SART1: variants seen among roughly 807,000 people sequenced by gnomAD.
The protein encoded by SART1 is spliceosome associated factor 1, recruiter of U4/U6.U5 tri-snRNP.
In SART1, 28 loss-of-function variants were observed where a neutral mutation model predicts 105.0. The ratio of observed to expected loss-of-function variants is 0.27; its 90% CI spans 0.20 to 0.37. The LOEUF (loss-of-function observed/expected upper bound fraction) is 0.37, where lower values mean the gene tolerates loss of function less well. Ranked by LOEUF, SART1 falls within the 10% of genes least tolerant of loss-of-function variation. The pLI is 1.00. For synonymous variants in SART1, 472 were observed against 462.9 expected (o/e 1.02, Z -0.25); for missense variants, 894 against 1,106.5 (o/e 0.81, Z 2.72).
intron 12 of SART1, among the ~76,000 whole-genome samples, chr11:65,972,298 A>T (rs1855394906): frequency 6.6e-6 from 1 of 152,148 alleles, no homozygotes; most frequent in Non-Finnish European, 1.5e-5. Flanking sequence ...CCCGAGACAG[A>T]ATCGTGTCCC....
Position 65,977,034 on chromosome 11 carries a change from C to T in SART1, c.1878C>T (p.Thr626=), listed in dbSNP as rs377339635. ...CGTAGTTCTCTGCTTCCTCCACCAC[C>T]ATCCTGGACGAGGAACCGATCGTGA... ...QQQDFSASST[T]ILDEEPIVNR... Residue 626 remains threonine, a synonymous_variant, in exon 15 of 20, where the codon ACC becomes ACT. Coordinates refer to ENST00000312397, the MANE Select transcript of SART1 (RefSeq NM_005146.5). 2 of 1,613,982 alleles carry T rather than the reference C, an allele frequency of 1.2e-6. No homozygotes were observed. Among genetic ancestry groups the T allele is most frequent in the Admixed American group, 1.7e-5 (1 of 60,016 alleles).
chr11:65,966,440 G>A lies in SART1; in HGVS notation c.1072G>A (p.Asp358Asn). 2 of 1,613,632 alleles carry A rather than the reference G, an allele frequency of 1.2e-6. No homozygotes were observed. The highest frequency in any genetic ancestry group is 1.7e-6 in the Non-Finnish European group (2 of 1,179,930). The change falls in exon 9 of 20, where the codon GAT (aspartate) becomes AAT (asparagine). Residue 358 changes from aspartate to asparagine, a missense_variant. Transcript: ENST00000312397. ...SFRLEQGGTA[D>N]GLRERELEEI... ...CCGCTTGGAGCAGGGCGGCACGGCT[G>A]ATGGCCTGCGGGAGCGGGAGCTGGA...
Position 65,972,578 on chromosome 11 carries a change from A to AC in SART1, c.1573-3810dup, listed in dbSNP as rs200461701. Among the ~76,000 whole-genome samples, 998 of 151,538 alleles carry AC rather than the reference A, an allele frequency of 6.6e-3. 5 individuals carry two copies. Among genetic ancestry groups the AC allele is most frequent in the African/African-American group, 0.022 (910 of 41,232 alleles). On this transcript the variant is annotated intron_variant, in intron 12 of 19. Coordinates refer to ENST00000312397, the MANE Select transcript of SART1 (RefSeq NM_005146.5). Reference sequence around the variant, plus strand: ...CAGCCTGGGGCAACACAGCAAGACCACCCCCCCTACCAACCCCATCTCTAA... The same window carrying AC: ...CAGCCTGGGGCAACACAGCAAGACCACCCCCCCCTACCAACCCCATCTCTAA...
At chr11:65,975,462 T>C (rs649000) in intron 12 of SART1, among the ~76,000 whole-genome samples, 57,434 of 145,628 alleles carry the variant, frequency 0.39, 12,509 homozygotes, top group Admixed American at 0.54. Flanking sequence ...CCCACTCTTT[T>C]GAGTGCAGTG....
At chr11:65,972,699 C>T (rs772811001) in intron 12 of SART1, among the ~76,000 whole-genome samples, 1 of 150,536 alleles carries the variant, frequency 6.6e-6, no homozygotes, top group African/African-American at 2.4e-5. Flanking sequence ...TCTAGGAGTT[C>T]GAGGTTATAG....
At chr11:65,969,482 C>A (rs1488812626) in intron 12 of SART1, among the ~76,000 whole-genome samples, 4 of 152,188 alleles carry the variant, frequency 2.6e-5, no homozygotes, top group African/African-American at 9.7e-5. Context: ...CAAGGTCTCG[C>A]TCGGTTGCCC....
chr11:65,967,212 T>C, intron 9 of SART1, 47 bp from the exon 10 acceptor site: 1 of 1,601,200 alleles, frequency 6.2e-7, no homozygotes, highest in South Asian at 1.1e-5. Flanking sequence ...TGTGGCGACC[T>C]GCCTTTCTGT....
intron 12 of SART1, among the ~76,000 whole-genome samples, chr11:65,970,444 C>T (rs75807038): frequency 0.03 from 4,637 of 152,084 alleles, 233 homozygotes; most frequent in African/African-American, 0.1. Flanking sequence ...ACATTTATGA[C>T]GGAAGAAGAA....
chr11:65,970,748 GATTCATGAGCTGAGGAGGGGGATGGTGGA>G (rs1253792145), intron 12 of SART1, among the ~76,000 whole-genome samples: 9 of 148,816 alleles, frequency 6.0e-5, no homozygotes, highest in Admixed American at 2.7e-4. Context: ...TGGATGGTGG[GATTCATGAGCTGAGGAGGGGGATGGTGGA>G]ATTCATGAGC....
At chr11:65,973,524 T>C (rs930187487) in intron 12 of SART1, among the ~76,000 whole-genome samples, 1 of 152,032 alleles carries the variant, frequency 6.6e-6, no homozygotes, top group Non-Finnish European at 1.5e-5. Context: ...CAGTAGCGAG[T>C]AGGAGTAAAG....
Position 65,967,461 on chromosome 11 carries a change from C to T in SART1, c.1314-10C>T, listed in dbSNP as rs371040413. ...GACCGGTGCTCACCAGAGAGGCCTCCTTCCCTCAGACTGCGGGGACGGGGT... is the reference window on the plus strand; with the variant it reads ...GACCGGTGCTCACCAGAGAGGCCTCTTTCCCTCAGACTGCGGGGACGGGGT... On this transcript the variant is annotated splice_polypyrimidine_tract_variant and intron_variant, in intron 10 of 19. Transcript: ENST00000312397. 13 of 1,613,550 alleles carry T rather than the reference C, an allele frequency of 8.1e-6. No individual in the cohort carries two copies. Among genetic ancestry groups the T allele is most frequent in the African/African-American group, 2.7e-5 (2 of 74,920 alleles).
chr11:65,967,945 G>GTT, intron 12 of SART1, 124 bp downstream of exon 12: 5 of 763,764 alleles, frequency 6.5e-6, no homozygotes, highest in South Asian at 5.5e-5. Context: ...TGTTTTCTGG[G>GTT]TTTGTTTTTT....
chr11:65,976,934 G>T lies in SART1; in HGVS notation c.1858-80G>T. Reference sequence around the variant, plus strand: ...AAATTAAATGTTGTGGAGGGCTGGTGCCTGGCAGGTGGTGACCAGTGGGTG... The same window carrying T: ...AAATTAAATGTTGTGGAGGGCTGGTTCCTGGCAGGTGGTGACCAGTGGGTG... On this transcript the variant is annotated intron_variant, in intron 14 of 19. Transcript: ENST00000312397. The surrounding 1 kb of genome is among the most constrained non-coding windows in gnomAD (Gnocchi z 5.1). 7.8e-7 allele frequency: 1 copy of T among 1,274,452 alleles called. No homozygotes were observed. Among genetic ancestry groups the T allele is most frequent in the Non-Finnish European group, 1.1e-6 (1 of 876,200 alleles). The allele number at this position is 1,274,452 out of a possible 1,614,324, so 78.9% of individuals were successfully genotyped here. A position where few individuals can be genotyped will look rare whatever the true frequency, so the allele number is the denominator to read the frequency against.
chr11:65,974,264 C>T (rs1388581436), intron 12 of SART1, among the ~76,000 whole-genome samples: 1 of 146,712 alleles, frequency 6.8e-6, no homozygotes, highest in Non-Finnish European at 1.5e-5. Flanking sequence ...ATCCCAGCTA[C>T]TCAGGAGGCT....
chr11:65,978,892 G>A lies in SART1; in HGVS notation c.2362G>A (p.Gly788Ser), dbSNP rs1393602201. Residue 788 changes from glycine to serine, a missense_variant, in exon 19 of 20, where the codon GGC (glycine) becomes AGC (serine). Physicochemically the swap from Gly to Ser is moderately conservative, Grantham distance 56. Around this residue, in one of 2 missense-constraint regions of SART1, gnomAD observed 182 missense variants for 328.3 expected, o/e 0.55. Coordinates refer to ENST00000312397, the MANE Select transcript of SART1 (RefSeq NM_005146.5). The surrounding 1 kb of genome is among the most constrained non-coding windows in gnomAD (Gnocchi z 6.8). ...GAAGACCCCCTACATCGTGCTCAGC[G>A]GCAGCGGCAAGAGCATGAACGCGTG... ...AQKTPYIVLS[G>S]SGKSMNANTI... is the part of the protein sequence containing the mutation. 6.2e-7 allele frequency: 1 copy of A among 1,614,056 alleles called. No homozygotes were observed. The highest frequency in any genetic ancestry group is 8.5e-7 in the Non-Finnish European group (1 of 1,179,990).
chr11:65,965,478 C>T (rs894491327), intron 5 of SART1, 31 bp downstream of exon 5: 1 of 1,543,960 alleles, frequency 6.5e-7, no homozygotes, highest in Admixed American at 2.0e-5. Flanking sequence ...GGGTGGTCGC[C>T]TAGTGCTTCT....
At chr11:65,972,633 A>C (rs1375929884) in intron 12 of SART1, among the ~76,000 whole-genome samples, 1 of 152,074 alleles carries the variant, frequency 6.6e-6, no homozygotes, top group Admixed American at 6.6e-5. Flanking sequence ...TGGGCATGGT[A>C]GCATGTGTCT....
In SART1 at chr11:65,967,134, G is replaced by C. The variant is rs1419037529; in HGVS notation, c.1189-125G>C. The C allele has an allele frequency of 3.6e-6, 5 of 1,373,782 alleles. No homozygotes were observed. In the African/African-American group the frequency reaches 7.3e-5, roughly 20 times the overall value. The allele number at this position is 1,373,782 out of a possible 1,614,324, so 85.1% of individuals were successfully genotyped here. A position where few individuals can be genotyped will look rare whatever the true frequency, so the allele number is the denominator to read the frequency against. On this transcript the variant is annotated intron_variant, in intron 9 of 19. Transcript: ENST00000312397. ...AGTAACCACCCCACATGTTGCTCAT[G>C]TGTGGGAAGCGCTCAGGACGCTGGC...
chr11:65,970,369 A>T (rs554584536), intron 12 of SART1, among the ~76,000 whole-genome samples: 2 of 152,258 alleles, frequency 1.3e-5, no homozygotes, highest in South Asian at 2.1e-4. Context: ...GCAGCATCCA[A>T]TCAAGTTTCC....
Sources: allele counts gnomAD v4.1 joint callset (sites outside exome capture counted in the v4.1 genomes callset), GRCh38; gene constraint gnomAD v4.1.1; regional missense constraint gnomAD v4.1.1; non-coding constraint Gnocchi (gnomAD v3.1); transcripts MANE v1.5; gene names NCBI Gene and HGNC (gene_info 2026-07-23, HGNC 2026-07-21).